ALK: variants seen among roughly 807,000 people sequenced by gnomAD.
ALK encodes ALK tyrosine kinase receptor.
In ALK, 74 loss-of-function variants were observed where a neutral mutation model predicts 163.1. That is an observed-to-expected ratio of 0.45 (90% CI 0.38 to 0.55). The LOEUF is 0.55. Among genes scored for constraint, ALK ranks in the 20% least tolerant of loss-of-function variants. The probability of loss-of-function intolerance (pLI) is 0.00; values close to 1 mark genes in which losing one functional copy is unlikely to be tolerated. For synonymous variants in ALK, 960 were observed against 843.2 expected (o/e 1.14, Z -2.40); for missense variants, 2,063 against 2,105.3 (o/e 0.98, Z 0.39).
intron 18 of ALK, 55 bp downstream of exon 18, chr2:29,226,867 T>C: frequency 6.2e-7 from 1 of 1,608,348 alleles, no homozygotes. Flanking sequence ...TTTGTGGTCA[T>C]GGGCCAAATC....
At chr2:29,660,334 T>A (rs775770921) in intron 3 of ALK, among the ~76,000 whole-genome samples, 1 of 152,200 alleles carries the variant, frequency 6.6e-6, no homozygotes, top group African/African-American at 2.4e-5. Context: ...CTGAGTGATC[T>A]GTGCCCAATT....
At chr2:29,249,898 T>A (rs1664774202) in intron 12 of ALK, among the ~76,000 whole-genome samples, 1 of 152,170 alleles carries the variant, frequency 6.6e-6, no homozygotes, top group African/African-American at 2.4e-5. Flanking sequence ...TGTAGCCAAA[T>A]CTCGTTATAG....
chr2:29,288,477 A>G (rs1459184010), intron 9 of ALK, among the ~76,000 whole-genome samples: 3 of 152,018 alleles, frequency 2.0e-5, no homozygotes, highest in Non-Finnish European at 4.4e-5. Flanking sequence ...GTACAGGCTG[A>G]CCTCTTCACG....
At chr2:29,735,172 G>A (rs1679856211) in intron 1 of ALK, among the ~76,000 whole-genome samples, 1 of 151,096 alleles carries the variant, frequency 6.6e-6, no homozygotes, top group African/African-American at 2.5e-5. Flanking sequence ...GGTAAGGAGA[G>A]GATGAGGCAA....
intron 3 of ALK, among the ~76,000 whole-genome samples, chr2:29,624,357 A>C (rs1272822356): frequency 6.6e-6 from 1 of 152,204 alleles, no homozygotes; most frequent in Non-Finnish European, 1.5e-5. Context: ...GAGCTCTCAC[A>C]CAGAGTATTT....
intron 3 of ALK, among the ~76,000 whole-genome samples, chr2:29,536,028 G>A (rs1382127849): frequency 6.6e-6 from 1 of 152,072 alleles, no homozygotes; most frequent in East Asian, 1.9e-4. Flanking sequence ...TCCTGTACTA[G>A]CATCATTTGT....
intron 4 of ALK, among the ~76,000 whole-genome samples, chr2:29,418,027 C>T (rs1055567410): frequency 2.6e-5 from 4 of 152,164 alleles, no homozygotes; most frequent in Admixed American, 6.5e-5. Flanking sequence ...GGCATGGCAC[C>T]CCTTTAAGGT....
chr2:29,444,836 C>G (rs1670632274), intron 4 of ALK, among the ~76,000 whole-genome samples: 1 of 152,152 alleles, frequency 6.6e-6, no homozygotes, highest in African/African-American at 2.4e-5. Context: ...CCTCTGCATC[C>G]TAGGGCTGCT....
chr2:29,244,491 T>G (rs558057387), intron 12 of ALK, among the ~76,000 whole-genome samples: 1 of 152,208 alleles, frequency 6.6e-6, no homozygotes, highest in Non-Finnish European at 1.5e-5. Context: ...GTTCCACTCC[T>G]GTTGCATCAG....
chr2:29,538,335 A>C (rs10171655), intron 3 of ALK, among the ~76,000 whole-genome samples: 62,120 of 151,906 alleles, frequency 0.41, 13,459 homozygotes, highest in East Asian at 0.65. Context: ...GGTTTAATAC[A>C]ACCCCCTTGG....
chr2:29,417,667 C>T (rs540690083), intron 4 of ALK, among the ~76,000 whole-genome samples: 2 of 152,342 alleles, frequency 1.3e-5, no homozygotes, highest in Admixed American at 6.5e-5. Context: ...TTCTAACCTA[C>T]ATCCTGTGAT....
At chr2:29,833,705 T>G (rs527919289) in intron 1 of ALK, among the ~76,000 whole-genome samples, 1 of 152,350 alleles carries the variant, frequency 6.6e-6, no homozygotes, top group East Asian at 1.9e-4. Context: ...GGCTCACAGA[T>G]GTAGAATTTA....
At chr2:29,330,596 C>T (rs1004578683) in intron 5 of ALK, among the ~76,000 whole-genome samples, 1 of 152,184 alleles carries the variant, frequency 6.6e-6, no homozygotes, top group African/African-American at 2.4e-5. Flanking sequence ...CAAATAGACA[C>T]ATCCGAATCC....
At chr2:29,216,486 A>ACTC (rs1330801579) in intron 23 of ALK, among the ~76,000 whole-genome samples, 1 of 151,926 alleles carries the variant, frequency 6.6e-6, no homozygotes, top group Non-Finnish European at 1.5e-5. Context: ...CTGGGCATTA[A>ACTC]CTCACGGGCT....
rs528854622 is a variant in ALK, at chr2:29,682,590, GGAA to G, written c.952+12257_952+12259del. 2.1e-3 allele frequency among the ~76,000 whole-genome samples: 325 copies of G among 152,182 alleles called. 1 individual carries two copies. Among genetic ancestry groups the G allele is most frequent in the Middle Eastern group, 6.8e-3 (2 of 294 alleles). ...ATGAAGAAAAATAATTCTTAGGAGA[GGAA>G]GATTATTTAATCTACATAATGATAC... On this transcript the variant is annotated intron_variant, in intron 3 of 28. Coordinates refer to ENST00000389048, the MANE Select transcript of ALK (RefSeq NM_004304.5).
intron 1 of ALK, among the ~76,000 whole-genome samples, chr2:29,830,154 G>A (rs1193447717): frequency 1.3e-5 from 2 of 152,154 alleles, no homozygotes; most frequent in Non-Finnish European, 2.9e-5. Context: ...ATACTTTCAG[G>A]AAAACTTGTT....
At chr2:29,387,556 A>G (rs1179134839) in intron 4 of ALK, among the ~76,000 whole-genome samples, 1 of 152,150 alleles carries the variant, frequency 6.6e-6, no homozygotes, top group Non-Finnish European at 1.5e-5. Context: ...AAGTCCCTGC[A>G]CCTCTTTGGG....
intron 28 of ALK, among the ~76,000 whole-genome samples, chr2:29,194,393 A>G (rs1668971647): frequency 6.6e-6 from 1 of 152,088 alleles, no homozygotes; most frequent in African/African-American, 2.4e-5. Context: ...TACAGGGTTT[A>G]TTTTTTGATC....
At chr2:29,861,288 TAACA>T (rs1666284474) in intron 1 of ALK, among the ~76,000 whole-genome samples, 3 of 151,660 alleles carry the variant, frequency 2.0e-5, no homozygotes, top group Admixed American at 2.0e-4. Context: ...AGGAAGAAAA[TAACA>T]AATATCAGAA....
Sources: gnomAD v4.1 joint callset for allele counts (sites outside exome capture counted in the v4.1 genomes callset) on GRCh38, gnomAD v4.1.1 for gene constraint, MANE v1.5 for transcripts, NCBI Gene and HGNC (gene_info 2026-07-23, HGNC 2026-07-21) for gene names.